Variants in KNTC1 observed in about 807,000 individuals in gnomAD.
KNTC1 encodes the protein kinetochore associated 1.
A neutral mutation model predicts 314.4 loss-of-function variants in KNTC1; 253 were observed. That is an observed-to-expected ratio of 0.80 (90% confidence interval 0.73 to 0.89). The LOEUF is 0.89. Among genes scored for constraint, KNTC1 ranks in the 40% least tolerant of loss-of-function variants. The pLI is 0.00. For synonymous variants in KNTC1, 901 were observed against 901.4 expected (o/e 1.00, Z 0.01); for missense variants, 2,475 against 2,572.9 (o/e 0.96, Z 0.82).
At chr12:122,541,684 A>C (rs187387190) in intron 5 of KNTC1, among the ~76,000 whole-genome samples, 20 of 151,958 alleles carry the variant, frequency 1.3e-4, no homozygotes, top group Admixed American at 1.2e-3. Flanking sequence ...GCCACGTTCA[A>C]ACAGACACTG....
chr12:122,601,450 G>T, intron 44 of KNTC1, 86 bp from the exon 45 acceptor site: 2 of 1,135,838 alleles, frequency 1.8e-6, no homozygotes, highest in Non-Finnish European at 2.4e-6. Flanking sequence ...TTTTATATTT[G>T]TAATCTGTGC....
rs1442641486 is a variant in KNTC1 at position 122,580,592 on chromosome 12, TTTAA to T, written c.2915-7_2915-4del. On this transcript the variant is annotated splice_polypyrimidine_tract_variant and splice_region_variant and intron_variant, in intron 32 of 63. Coordinates refer to ENST00000333479, the MANE Select transcript of KNTC1 (RefSeq NM_014708.6). ...GCATGTCTGCTATAACTTTTAAAAA[TTTAA>T]TTACAGACAATCTGCAGAAGAAGGA... is the stretch of plus-strand genomic sequence containing the variant. 1 of 1,518,266 alleles carries T rather than the reference TTTAA, an allele frequency of 6.6e-7. No homozygotes were observed. Among genetic ancestry groups the T allele is most frequent in the Non-Finnish European group, 8.9e-7 (1 of 1,119,172 alleles). The allele number at this position is 1,518,266 out of a possible 1,614,324, so 94.0% of individuals were successfully genotyped here.
chr12:122,551,866 C>T (rs968242969), intron 16 of KNTC1, among the ~76,000 whole-genome samples, 170 bp downstream of exon 16: 2 of 151,740 alleles, frequency 1.3e-5, no homozygotes, highest in African/African-American at 4.8e-5. Context: ...CATAGTTGGG[C>T]AGAAAGATGT....
At chr12:122,594,664 C>T (rs927027979) in intron 43 of KNTC1, among the ~76,000 whole-genome samples, 1 of 152,186 alleles carries the variant, frequency 6.6e-6, no homozygotes, top group Admixed American at 6.5e-5. Context: ...AGTTCTGACT[C>T]AGTGGGTCTG....
intron 41 of KNTC1, 33 bp from the exon 42 acceptor site, chr12:122,591,304 C>G (rs1009240472): frequency 3.7e-6 from 4 of 1,081,656 alleles, no homozygotes; most frequent in African/African-American, 3.1e-5. Flanking sequence ...ATTCTACTTA[C>G]GATTGAACTT....
At chr12:122,563,507 C>T (rs533731697) in intron 20 of KNTC1, among the ~76,000 whole-genome samples, 12 of 152,192 alleles carry the variant, frequency 7.9e-5, no homozygotes, top group African/African-American at 2.6e-4. Context: ...CCAAGACACC[C>T]GCTAACCCAC....
chr12:122,542,778 T>C (rs1020342697), intron 6 of KNTC1, among the ~76,000 whole-genome samples: 5 of 151,970 alleles, frequency 3.3e-5, no homozygotes, highest in African/African-American at 7.2e-5. Context: ...AAAAAAAATA[T>C]ATAGTGCAGA....
At position 122,604,927 on chromosome 12, in the gene KNTC1, G is replaced by A. The variant is rs757408657; in HGVS notation, c.5226G>A (p.Gln1742=). The A allele has an allele frequency of 1.9e-6, 3 of 1,610,548 alleles. No individual in the cohort carries two copies. Among genetic ancestry groups the A allele is most frequent in the Non-Finnish European group, 1.7e-6 (2 of 1,178,344 alleles). Residue 1742 remains glutamine, a synonymous_variant, in exon 50 of 64, where the codon CAG becomes CAA. Transcript: ENST00000333479. ...AEALLKKLHI[Q]YRRSGTEAVL... ...CTTTGTTGAAGAAGCTTCATATCCA[G>A]TACCGGCGATCGGGCACAGAAGCTG...
At chr12:122,560,652 G>A (rs998928494) in intron 18 of KNTC1, among the ~76,000 whole-genome samples, 5 of 152,316 alleles carry the variant, frequency 3.3e-5, no homozygotes, top group Middle Eastern at 3.4e-3. Context: ...GATTACAGGC[G>A]TGAGCCACCA....
chr12:122,557,967 C>T (rs922419235), intron 18 of KNTC1, among the ~76,000 whole-genome samples: 5 of 152,134 alleles, frequency 3.3e-5, no homozygotes, highest in African/African-American at 1.2e-4. Context: ...ACCTCTATCC[C>T]AGACCGGACG....
chr12:122,571,129 A>G lies in KNTC1; in HGVS notation c.2019+3A>G, dbSNP rs1371548731. 2 of 1,604,388 alleles carry G rather than the reference A, an allele frequency of 1.2e-6. No individual in the cohort carries two copies. The highest frequency in any genetic ancestry group is 1.1e-5 in the South Asian group (1 of 90,828). On this transcript the variant is annotated splice_donor_region_variant and intron_variant, in intron 24 of 63. Transcript: ENST00000333479. The stretch of plus-strand genomic sequence containing the variant: ...CTTCCTGGCATTGGATTTCCTTGGT[A>G]TGATGTGAGAATGGATTTTTAGTAA...
intron 10 of KNTC1, 100 bp downstream of exon 10, chr12:122,546,774 A>G: frequency 1.4e-6 from 1 of 703,490 alleles, no homozygotes; most frequent in Non-Finnish European, 2.4e-6. Flanking sequence ...GTGGATAACT[A>G]TCTTGTGTAC....
At chr12:122,549,189 A>T (rs1257769533) in intron 12 of KNTC1, among the ~76,000 whole-genome samples, 1 of 151,266 alleles carries the variant, frequency 6.6e-6, no homozygotes, top group Non-Finnish European at 1.5e-5. Context: ...AGTAGCTGGG[A>T]TTACAGATGT....
chr12:122,594,291 GT>G lies in KNTC1; in HGVS notation c.4265del (p.Phe1422SerfsTer19). 1 of 1,603,528 alleles carries G rather than the reference GT, an allele frequency of 6.2e-7. No homozygotes were observed. On this transcript the variant is annotated frameshift_variant, in exon 43 of 64. Transcript: ENST00000333479. LOFTEE classifies it high-confidence loss of function. ...TTATTTCTAGATTTCTTTTCAACCA[GT>G]TTTCAGGCAACATTTTCTCACCAAG... ...LGKLGISFQP[V>X]FRQHFLTKKD...
intron 3 of KNTC1, among the ~76,000 whole-genome samples, 182 bp downstream of exon 3, chr12:122,534,966 A>G (rs1050870177): frequency 1.8e-4 from 28 of 152,216 alleles, no homozygotes; most frequent in African/African-American, 5.5e-4. Flanking sequence ...GTCAAAGGAC[A>G]CTGAGATGAT....
At chr12:122,598,774 T>TG (rs1871411533) in intron 44 of KNTC1, among the ~76,000 whole-genome samples, 1 of 151,990 alleles carries the variant, frequency 6.6e-6, no homozygotes, top group South Asian at 2.1e-4. Flanking sequence ...GGATAAAACA[T>TG]GCCGTATTTA....
At chr12:122,605,909 A>C (rs1445515590) in intron 51 of KNTC1, among the ~76,000 whole-genome samples, 1 of 149,240 alleles carries the variant, frequency 6.7e-6, no homozygotes, top group South Asian at 2.1e-4. Context: ...TGGCACAATC[A>C]TGGCTTACTG....
chr12:122,536,698 T>C (rs1375716011), intron 3 of KNTC1, among the ~76,000 whole-genome samples: 4 of 151,224 alleles, frequency 2.6e-5, no homozygotes, highest in African/African-American at 9.7e-5. Flanking sequence ...TTTGTATTTT[T>C]AGTAGGGTCA....
chr12:122,609,721 G>A, intron 52 of KNTC1, among the ~76,000 whole-genome samples: 1 of 151,982 alleles, frequency 6.6e-6, no homozygotes, highest in Non-Finnish European at 1.5e-5. Flanking sequence ...CTAGGACTTT[G>A]GCCCCAGACC....
Sources: gnomAD v4.1 joint callset for allele counts (sites outside exome capture counted in the v4.1 genomes callset) on GRCh38, gnomAD v4.1.1 for gene constraint, MANE v1.5 for transcripts, NCBI Gene and HGNC (gene_info 2026-07-23, HGNC 2026-07-21) for gene names.